The following LRP6 variants were observed in gnomAD, a reference collection of about 807,000 sequenced individuals.
The protein encoded by LRP6 is low-density lipoprotein receptor-related protein 6.
Under a neutral mutation model 184.1 loss-of-function variants are expected in LRP6, and 43 were observed. The ratio of observed to expected loss-of-function variants is 0.23; its 90% CI spans 0.18 to 0.30. LRP6 has a LOEUF of 0.30. LRP6 is among the 10% of genes least tolerant of loss of function. The pLI, the probability that LRP6 is intolerant of heterozygous loss-of-function variation, is 1.00. For missense variants in LRP6, 1,571 were observed against 2,005.3 expected (o/e 0.78, Z 4.14); for synonymous variants, 719 against 684.9 (o/e 1.05, Z -0.78).
intron 7 of LRP6, 28 bp downstream of exon 7, chr12:12,179,782 C>G (rs202174398): frequency 3.0e-5 from 49 of 1,611,944 alleles, no homozygotes; most frequent in Non-Finnish European, 4.0e-5. Context: ...ATAAAAGTGG[C>G]TTGAAAATGA....
In LRP6 at chr12:12,129,591, C is replaced by T. The variant is rs950423037; in HGVS notation, c.4081+1192G>A. ...TTTTTGAGATGGAGTCTCGCCCTGT[C>T]GCCCAGGTTGGAGTACAATGGCACG... On this transcript the variant is annotated intron_variant, in intron 19 of 22. Coordinates refer to ENST00000261349, the MANE Select transcript of LRP6 (RefSeq NM_002336.3). 7.5e-4 allele frequency among the ~76,000 whole-genome samples: 114 copies of T among 152,030 alleles called. 1 individual carries two copies. Among genetic ancestry groups the T allele is most frequent in the Non-Finnish European group, 1.5e-4 (10 of 67,996 alleles).
intron 2 of LRP6, among the ~76,000 whole-genome samples, chr12:12,230,480 CTAAT>C (rs1401585332): frequency 6.6e-6 from 1 of 151,962 alleles, no homozygotes; most frequent in Admixed American, 6.6e-5. Context: ...ACACAGGTGA[CTAAT>C]TAAGACATTG....
intron 1 of LRP6, chr12:12,249,123 A>G (rs1281065672): frequency 4.4e-5 from 31 of 705,752 alleles, no homozygotes; most frequent in Non-Finnish European, 5.2e-6. Flanking sequence ...CGTGACACTT[A>G]CAAGACGTAC....
At chr12:12,225,881 A>C (rs1420650742) in intron 2 of LRP6, among the ~76,000 whole-genome samples, 1 of 152,070 alleles carries the variant, frequency 6.6e-6, no homozygotes, top group Non-Finnish European at 1.5e-5. Flanking sequence ...CAAAAAAAAA[A>C]AAAAAGAGAG....
chr12:12,124,446 A>G (rs1325292827), intron 22 of LRP6, 119 bp downstream of exon 22: 9 of 751,078 alleles, frequency 1.2e-5, no homozygotes, highest in Non-Finnish European at 2.2e-5. Flanking sequence ...TACTATCAAG[A>G]TAAGATGACT....
chr12:12,251,834 GT>G (rs1294361252), intron 1 of LRP6, among the ~76,000 whole-genome samples: 1 of 152,038 alleles, frequency 6.6e-6, no homozygotes, highest in East Asian at 1.9e-4. Flanking sequence ...AAAGGGTAAG[GT>G]TCTTCACCAC....
chr12:12,181,049 A>G lies in LRP6; in HGVS notation c.1367T>C (p.Met456Thr). Residue 456 changes from methionine (M) to threonine (T), a missense_variant, in exon 6 of 23, where the codon ATG becomes ACG. Physicochemically the swap from Met to Thr is moderately conservative, Grantham distance 81. Transcript: ENST00000261349. ...EEPRAIVLDPMVGYMYWTDWG... is the reference protein window; with the variant it reads ...EEPRAIVLDPTVGYMYWTDWG... Reference sequence around the variant, plus strand: ...TATCAGTAGAGCTTCTTACCCAACCATGGGATCTAACACAATAGCCCGGGG... The same window carrying G: ...TATCAGTAGAGCTTCTTACCCAACCGTGGGATCTAACACAATAGCCCGGGG... The G allele has an allele frequency of 6.2e-7, 1 of 1,614,100 alleles. No homozygotes were observed. The highest frequency in any genetic ancestry group is 8.5e-7 in the Non-Finnish European group (1 of 1,179,932).
chr12:12,174,974 C>T (rs1489912006), intron 7 of LRP6, among the ~76,000 whole-genome samples: 1 of 152,214 alleles, frequency 6.6e-6, no homozygotes, highest in Non-Finnish European at 1.5e-5. Flanking sequence ...AAAGCAAATA[C>T]ACATGTTCTT....
chr12:12,243,902 C>A (rs955913865), intron 2 of LRP6, among the ~76,000 whole-genome samples: 10 of 152,042 alleles, frequency 6.6e-5, no homozygotes, highest in African/African-American at 2.4e-4. Context: ...AGATGTGCGC[C>A]ACTACGCCCA....
rs1292623666 is a variant in LRP6 at position 12,250,842 on chromosome 12, G to A, written c.56-6187C>T. 3.3e-5 allele frequency among the ~76,000 whole-genome samples: 5 copies of A among 151,064 alleles called. No homozygotes were observed. In the East Asian group the frequency reaches 5.8e-4, roughly 18 times the overall value. On this transcript the variant is annotated intron_variant, in intron 1 of 22. Coordinates refer to ENST00000261349, the MANE Select transcript of LRP6 (RefSeq NM_002336.3). ...TCACCATGTTGGCCAGGCTGGTCTC[G>A]AACTCCTAACTTCAAATGATCCACC...
intron 2 of LRP6, among the ~76,000 whole-genome samples, chr12:12,209,026 T>C (rs1194194508): frequency 6.6e-6 from 1 of 152,182 alleles, no homozygotes; most frequent in Non-Finnish European, 1.5e-5. Flanking sequence ...CAAACAAGTG[T>C]AGAGAAATAA....
chr12:12,256,733 G>GA (rs1865474365), intron 1 of LRP6, among the ~76,000 whole-genome samples: 1 of 151,994 alleles, frequency 6.6e-6, no homozygotes, highest in Non-Finnish European at 1.5e-5. Context: ...TTGAACCCAG[G>GA]AGGCAGAGGT....
chr12:12,164,985 A>T, intron 8 of LRP6, 94 bp downstream of exon 8: 3 of 955,204 alleles, frequency 3.1e-6, no homozygotes, highest in Non-Finnish European at 5.0e-6. Flanking sequence ...AGGTTTCAAA[A>T]TTGCCTCAAA....
At chr12:12,235,783 G>A (rs1864916981) in intron 2 of LRP6, among the ~76,000 whole-genome samples, 2 of 151,954 alleles carry the variant, frequency 1.3e-5, no homozygotes, top group South Asian at 4.2e-4. Flanking sequence ...AGCATACCTA[G>A]TTTCCACATC....
At chr12:12,209,644 C>T (rs1004083572) in intron 2 of LRP6, among the ~76,000 whole-genome samples, 1 of 152,008 alleles carries the variant, frequency 6.6e-6, no homozygotes. Flanking sequence ...ACAAATGTAA[C>T]CGAAAAAGCG....
chr12:12,245,821 T>C (rs1268013495), intron 1 of LRP6, among the ~76,000 whole-genome samples: 1 of 152,094 alleles, frequency 6.6e-6, no homozygotes, highest in African/African-American at 2.4e-5. Context: ...ACATTTACTT[T>C]CCTAGTATCA....
In LRP6 at chr12:12,119,995, A is replaced by C; in HGVS notation, c.*1131T>G. On this transcript the variant is annotated 3_prime_UTR_variant, in exon 23 of 23. Transcript: ENST00000261349. The stretch of plus-strand genomic sequence containing the variant: ...GAAAACAAACAAACAAACAAAATAT[A>C]TATATATATATATATATATATATAT... 1 of 17,218 alleles carries C rather than the reference A, an allele frequency of 5.8e-5. No homozygotes were observed. Among genetic ancestry groups the C allele is most frequent in the Non-Finnish European group, 1.3e-4 (1 of 7,552 alleles). The allele number at this position is 17,218 out of a possible 1,614,324, so 1.1% of individuals were successfully genotyped here. A position where few individuals can be genotyped will look rare whatever the true frequency, so the allele number is the denominator to read the frequency against.
rs191533978 is a variant in LRP6 at position 12,239,564 on chromosome 12, T to C, written c.449+4698A>G. On this transcript the variant is annotated intron_variant, in intron 2 of 22. Transcript: ENST00000261349. ...CCCCTCCTTCCAAAATCTTAAAGAT[T>C]CATTGTAATTTCTGAAGAGTCATCA... Among the ~76,000 whole-genome samples, 686 of 152,290 alleles carry C rather than the reference T, an allele frequency of 4.5e-3. 5 individuals are homozygous for C. Among genetic ancestry groups the C allele is most frequent in the African/African-American group, 0.016 (655 of 41,566 alleles).
At position 12,248,471 on chromosome 12, in the gene LRP6, C is replaced by CTTT. The variant is rs71061030; in HGVS notation, c.56-3819_56-3817dup. Among the ~76,000 whole-genome samples, 257 of 62,800 alleles carry CTTT rather than the reference C, an allele frequency of 4.1e-3. 40 individuals carry two copies. The highest frequency in any genetic ancestry group is 0.014 in the African/African-American group (239 of 17,160). 41.2% of individuals were successfully genotyped at this position (62,800 alleles called of 152,430 possible). On this transcript the variant is annotated intron_variant, in intron 1 of 22. Coordinates refer to ENST00000261349, the MANE Select transcript of LRP6 (RefSeq NM_002336.3). ...CAGTGGTCTTTTCTCAGTCTTTACTCTTTTTTTTTTTTTTTTTTTTTTTTT... is the reference window on the plus strand; with the variant it reads ...CAGTGGTCTTTTCTCAGTCTTTACTCTTTTTTTTTTTTTTTTTTTTTTTTTTTT...
Sources: allele counts gnomAD v4.1 joint callset (sites outside exome capture counted in the v4.1 genomes callset), GRCh38; gene constraint gnomAD v4.1.1; transcripts MANE v1.5; gene names NCBI Gene and HGNC (gene_info 2026-07-23, HGNC 2026-07-21).